Variants in REEP6 observed in about 807,000 individuals in gnomAD.
REEP6 encodes the protein receptor expression-enhancing protein 6.
In REEP6, 19 loss-of-function variants were observed where a neutral mutation model predicts 22.4. The ratio of observed to expected loss-of-function variants is 0.85; its 90% CI spans 0.59 to 1.25. REEP6 has a LOEUF of 1.25. Ranked by LOEUF, REEP6 falls within the 50% of genes most tolerant of loss-of-function variation. The pLI, the probability that REEP6 is intolerant of heterozygous loss-of-function variation, is 0.00. For synonymous variants in REEP6, 121 were observed against 113.6 expected (o/e 1.06, Z -0.41); for missense variants, 273 against 251.9 (o/e 1.08, Z -0.57).
rs141351819 is a variant in REEP6 at position 1,495,648 on chromosome 19, G to A, written c.348+41G>A. ...GCGGGCACAGCCGTGGAGCGCATGG[G>A]GCTTGGGGATTCCTGGGAGGCGCTG... On this transcript the variant is annotated intron_variant, in intron 3 of 4. Transcript: ENST00000233596. 6,287 of 1,610,146 alleles carry A rather than the reference G, an allele frequency of 3.9e-3. 49 individuals carry two copies. Among genetic ancestry groups the A allele is most frequent in the Middle Eastern group, 7.8e-3 (47 of 6,046 alleles).
chr19:1,496,548 CCT>C (rs1388390370), intron 4 of REEP6, 95 bp downstream of exon 4: 1 of 1,382,978 alleles, frequency 7.2e-7, no homozygotes, highest in Non-Finnish European at 1.0e-6. Context: ...TTGGCCGCCC[CCT>C]CTCACTGTCC....
In REEP6 at chr19:1,495,502, C is replaced by T. The variant is rs778384637; in HGVS notation, c.243C>T (p.Asp81=). The T allele has an allele frequency of 6.2e-6, 10 of 1,613,942 alleles. No individual in the cohort carries two copies. The highest frequency in any genetic ancestry group is 5.0e-5 in the Admixed American group (3 of 60,008). ...CTATCGAGAGCCCAAGCAAGGACGA[C>T]GACACTGTGTGGCTCACCTACTGGG... ...IKAIESPSKD[D]DTVWLTYWVV... Residue 81 remains aspartate (D), a synonymous_variant, in exon 3 of 5, where the codon GAC becomes GAT. Coordinates refer to ENST00000233596, the MANE Select transcript of REEP6 (RefSeq NM_138393.4).
intron 3 of REEP6, chr19:1,495,941 G>A: frequency 1.8e-6 from 1 of 541,044 alleles, no homozygotes. Context: ...TGATGGTGGA[G>A]GGCTCACTTA....
intron 4 of REEP6, chr19:1,496,717 TGCGCGCGCGCGCGC>T: frequency 3.4e-6 from 2 of 583,964 alleles, no homozygotes; most frequent in Middle Eastern, 2.7e-4. Context: ...TGTGTGTGTG[TGCGCGCGCGCGCGC>T]GTGTGTTTGA....
intron 3 of REEP6, chr19:1,496,058 T>G (rs2085003511): frequency 1.7e-6 from 1 of 575,340 alleles, no homozygotes; most frequent in Non-Finnish European, 3.0e-6. Context: ...CCTGTCCCAG[T>G]AGGACGTCTG....
At chr19:1,495,818 TC>T (rs1287776875) in intron 3 of REEP6, 3 of 637,934 alleles carry the variant, frequency 4.7e-6, no homozygotes, top group Non-Finnish European at 8.0e-6. Flanking sequence ...CCAAGCCTGC[TC>T]CAATAGGATG....
In REEP6 at chr19:1,491,513, A is replaced by T; in HGVS notation, c.115+129A>T. The T allele has an allele frequency of 1.8e-6, 1 of 546,726 alleles. No homozygotes were observed. Among genetic ancestry groups the T allele is most frequent in the Admixed American group, 4.4e-5 (1 of 22,818 alleles). The allele number at this position is 546,726 out of a possible 1,614,324, so 33.9% of individuals were successfully genotyped here. A position where few individuals can be genotyped will look rare whatever the true frequency, so the allele number is the denominator to read the frequency against. On this transcript the variant is annotated intron_variant, in intron 1 of 4. Coordinates refer to ENST00000233596, the MANE Select transcript of REEP6 (RefSeq NM_138393.4). This position sits in a 1 kb window ranked among gnomAD's most constrained non-coding sequence, Gnocchi z 5.4. ...CGGTGGAGCGCGCGAGGTGACTGGG[A>T]CCTCGAGGTCCGCCCGCAGCCCTTC...
chr19:1,496,409 T>G lies in REEP6; in HGVS notation c.473T>G (p.Leu158Arg). 3.7e-6 allele frequency: 6 copies of G among 1,613,114 alleles called. No individual in the cohort carries two copies. The South Asian group carries it at 6.6e-5, about 18-fold the overall frequency. Reference sequence around the variant, plus strand: ...GCCGTAGACAGAATCATGAACGACCTCAGCGGGCGAGCCCTGGACGCGGCG... The same window carrying G: ...GCCGTAGACAGAATCATGAACGACCGCAGCGGGCGAGCCCTGGACGCGGCG... ...HGAVDRIMND[L>R]SGRALDAAAG... is the part of the protein sequence containing the mutation. The change falls in exon 4 of 5, where the codon CTC (leucine) becomes CGC (arginine). Residue 158 changes from leucine to arginine, a missense_variant. Leu to Arg is a moderately radical substitution (Grantham distance 102, BLOSUM62 -2). Transcript: ENST00000233596.
chr19:1,497,152 C>T lies in REEP6; in HGVS notation c.518-22C>T, dbSNP rs761871632. ...CCCAGGCCTGCCTCACGGCCCTCCC[C>T]CACCCGCCCCTCTCTCTGCAGTCAA... On this transcript the variant is annotated intron_variant, in intron 4 of 4. Transcript: ENST00000233596. The surrounding 1 kb of genome is among the most constrained non-coding windows in gnomAD (Gnocchi z 6.5). 2.9e-6 allele frequency: 4 copies of T among 1,380,432 alleles called. No individual in the cohort carries two copies. The highest frequency in any genetic ancestry group is 5.1e-5 in the East Asian group (2 of 38,940). 85.5% of individuals were successfully genotyped at this position (1,380,432 alleles called of 1,614,324 possible). A position where few individuals can be genotyped will look rare whatever the true frequency, so the allele number is the denominator to read the frequency against.
In REEP6 at chr19:1,491,508, C is replaced by A; in HGVS notation, c.115+124C>A. 1 of 593,018 alleles carries A rather than the reference C, an allele frequency of 1.7e-6. No individual in the cohort carries two copies. Among genetic ancestry groups the A allele is most frequent in the Non-Finnish European group, 2.6e-6 (1 of 385,150 alleles). The allele number at this position is 593,018 out of a possible 1,614,324, so 36.7% of individuals were successfully genotyped here. ...CCGGCCGGTGGAGCGCGCGAGGTGA[C>A]TGGGACCTCGAGGTCCGCCCGCAGC... On this transcript the variant is annotated intron_variant, in intron 1 of 4. Transcript: ENST00000233596. The surrounding 1 kb of genome is among the most constrained non-coding windows in gnomAD (Gnocchi z 5.4).
At position 1,491,637 on chromosome 19, in the gene REEP6, C is replaced by T. The variant is rs942857258; in HGVS notation, c.115+253C>T. ...CTCCTTCCGGGCGCTGGGTGCCTGC[C>T]ATGCCGAAGTCCGGTTCTTCCAGTT... On this transcript the variant is annotated intron_variant, in intron 1 of 4. Coordinates refer to ENST00000233596, the MANE Select transcript of REEP6 (RefSeq NM_138393.4). This position sits in a 1 kb window ranked among gnomAD's most constrained non-coding sequence, Gnocchi z 5.4. Among the ~76,000 whole-genome samples, 4 of 152,262 alleles carry T rather than the reference C, an allele frequency of 2.6e-5. No individual in the cohort carries two copies. The highest frequency in any genetic ancestry group is 9.6e-5 in the African/African-American group (4 of 41,464).
At position 1,497,269 on chromosome 19, in the gene REEP6, G is replaced by A. The variant is rs1255545200; in HGVS notation, c.*58G>A. ...GCTGGTGAGGAGGGGGCCGCGCCAG[G>A]CTCCCAGGCCTCCACAGAGTCTTCA... On this transcript the variant is annotated 3_prime_UTR_variant, in exon 5 of 5. Coordinates refer to ENST00000233596, the MANE Select transcript of REEP6 (RefSeq NM_138393.4). The surrounding 1 kb of genome is among the most constrained non-coding windows in gnomAD (Gnocchi z 6.5). 4.1e-6 allele frequency: 6 copies of A among 1,462,496 alleles called. No homozygotes were observed. The highest frequency in any genetic ancestry group is 5.6e-6 in the Non-Finnish European group (6 of 1,065,816). The allele number at this position is 1,462,496 out of a possible 1,614,324, so 90.6% of individuals were successfully genotyped here.
intron 1 of REEP6, among the ~76,000 whole-genome samples, chr19:1,493,842 G>C (rs954750364): frequency 3.9e-5 from 6 of 152,154 alleles, no homozygotes; most frequent in Non-Finnish European, 8.8e-5. Flanking sequence ...AATCCCAGCA[G>C]TTTGGGAGGC....
In REEP6 at chr19:1,496,383, G is replaced by T; in HGVS notation, c.447G>T (p.Gly149=). 6.2e-7 allele frequency: 1 copy of T among 1,613,218 alleles called. No individual in the cohort carries two copies. Among genetic ancestry groups the T allele is most frequent in the Non-Finnish European group, 8.5e-7 (1 of 1,179,918 alleles). Residue 149 remains glycine, a synonymous_variant, in exon 4 of 5, where the codon GGG becomes GGT. Transcript: ENST00000233596. ...GTCCGCTGTTCCTAAGGCACCACGGGGCCGTAGACAGAATCATGAACGACC... is the reference window on the plus strand; with the variant it reads ...GTCCGCTGTTCCTAAGGCACCACGGTGCCGTAGACAGAATCATGAACGACC... The part of the protein sequence containing the change: ...VVRPLFLRHH[G]AVDRIMNDLS...
rs1338349817 is a variant in REEP6 at position 1,495,242 on chromosome 19, TG to T, written c.116-47del. 4 of 1,572,188 alleles carry T rather than the reference TG, an allele frequency of 2.5e-6. No homozygotes were observed. The Admixed American group carries it at 5.0e-5, about 20-fold the overall frequency. ...CTGAAAGGCGGCCTGGGTACCGTCGTGGGGGCTCAGCGGGTCCCCAGCCCTG... is the reference window on the plus strand; with the variant it reads ...CTGAAAGGCGGCCTGGGTACCGTCGTGGGGCTCAGCGGGTCCCCAGCCCTG... On this transcript the variant is annotated intron_variant, in intron 1 of 4. Transcript: ENST00000233596.
rs548109254 is a variant in REEP6 at position 1,496,562 on chromosome 19, CCT to C, written c.517+119_517+120del. The C allele has an allele frequency of 4.4e-4, 559 of 1,283,940 alleles. 2 individuals are homozygous for C. In the South Asian group the frequency reaches 4.5e-3, roughly 10 times the overall value. 79.5% of individuals were successfully genotyped at this position (1,283,940 alleles called of 1,614,324 possible). Reference sequence around the variant, plus strand: ...TTTGGCCGCCCCCTCTCACTGTCCGCCTCTCTCTCTCACGCTTCCGGGAACCA... The same window carrying C: ...TTTGGCCGCCCCCTCTCACTGTCCGCCTCTCTCTCACGCTTCCGGGAACCA... On this transcript the variant is annotated intron_variant, in intron 4 of 4. Coordinates refer to ENST00000233596, the MANE Select transcript of REEP6 (RefSeq NM_138393.4).
In REEP6 at chr19:1,491,497, G is replaced by A; in HGVS notation, c.115+113G>A. ...CGGGGTCCGGTCCGGCCGGTGGAGCGCGCGAGGTGACTGGGACCTCGAGGT... is the reference window on the plus strand; with the variant it reads ...CGGGGTCCGGTCCGGCCGGTGGAGCACGCGAGGTGACTGGGACCTCGAGGT... On this transcript the variant is annotated intron_variant, in intron 1 of 4. Coordinates refer to ENST00000233596, the MANE Select transcript of REEP6 (RefSeq NM_138393.4). This position sits in a 1 kb window ranked among gnomAD's most constrained non-coding sequence, Gnocchi z 5.4. 1.4e-6 allele frequency: 1 copy of A among 690,998 alleles called. No homozygotes were observed. The highest frequency in any genetic ancestry group is 2.1e-6 in the Non-Finnish European group (1 of 471,834). 42.8% of individuals were successfully genotyped at this position (690,998 alleles called of 1,614,324 possible). A position where few individuals can be genotyped will look rare whatever the true frequency, so the allele number is the denominator to read the frequency against.
Position 1,497,180 on chromosome 19 carries a change from C to T in REEP6, c.524C>T (p.Pro175Leu), listed in dbSNP as rs778385028. 2.0e-6 allele frequency: 3 copies of T among 1,494,146 alleles called. No individual in the cohort carries two copies. Among genetic ancestry groups the T allele is most frequent in the African/African-American group, 1.4e-5 (1 of 70,854 alleles). 92.6% of individuals were successfully genotyped at this position (1,494,146 alleles called of 1,614,324 possible). The stretch of plus-strand genomic sequence containing the variant: ...CCCGCCCCTCTCTCTGCAGTCAAGC[C>T]AAGCCAGACCCCGCAGCCGAAGGAC... ...AAAGITRNVK[P>L]SQTPQPKDK The change falls in exon 5 of 5, where the codon CCA becomes CTA. Residue 175 changes from proline (P) to leucine (L), a missense_variant. By Grantham distance (98) the Pro-to-Leu change is moderately conservative. Transcript: ENST00000233596. The surrounding 1 kb of genome is among the most constrained non-coding windows in gnomAD (Gnocchi z 6.5).
chr19:1,494,324 C>G (rs1009431719), intron 1 of REEP6, among the ~76,000 whole-genome samples: 7 of 152,144 alleles, frequency 4.6e-5, no homozygotes, highest in Non-Finnish European at 1.0e-4. Context: ...CCCTGCCCCC[C>G]ACCCCGCCCC....
Sources: allele counts gnomAD v4.1 joint callset (sites outside exome capture counted in the v4.1 genomes callset), GRCh38; gene constraint gnomAD v4.1.1; non-coding constraint Gnocchi (gnomAD v3.1); transcripts MANE v1.5; gene names NCBI Gene and HGNC (gene_info 2026-07-23, HGNC 2026-07-21).